The following CNTNAP2 variants were observed in gnomAD, a reference collection of about 807,000 sequenced individuals.
CNTNAP2 encodes the protein contactin associated protein 2.
Under a neutral mutation model 155.2 loss-of-function variants are expected in CNTNAP2, and 98 were observed. The observed-to-expected ratio is 0.63, with a 90% CI of 0.54 to 0.75. The LOEUF (loss-of-function observed/expected upper bound fraction) is 0.75. Among genes scored for constraint, CNTNAP2 ranks in the 30% least tolerant of loss-of-function variants. The pLI is 0.00. For synonymous variants in CNTNAP2, 651 were observed against 631.2 expected (o/e 1.03, Z -0.47); for missense variants, 1,727 against 1,688.1 (o/e 1.02, Z -0.40).
At chr7:148,236,597 T>C (rs921243248) in intron 20 of CNTNAP2, among the ~76,000 whole-genome samples, 2 of 152,186 alleles carry the variant, frequency 1.3e-5, no homozygotes, top group African/African-American at 4.8e-5. Flanking sequence ...CCAGGTTATG[T>C]GAGGTGACAG....
intron 12 of CNTNAP2, among the ~76,000 whole-genome samples, chr7:147,602,280 T>C (rs1563016905): frequency 1.3e-5 from 2 of 152,060 alleles, no homozygotes; most frequent in Non-Finnish European, 2.9e-5. Flanking sequence ...GATTTCAAAA[T>C]AAATTTGTTT....
At chr7:147,856,505 A>T (rs1264372899) in intron 13 of CNTNAP2, among the ~76,000 whole-genome samples, 1 of 152,210 alleles carries the variant, frequency 6.6e-6, no homozygotes, top group Non-Finnish European at 1.5e-5. Context: ...AGGCAGGGAA[A>T]GAGAGAAAAT....
At chr7:147,034,324 TTTCCTC>T in intron 3 of CNTNAP2, among the ~76,000 whole-genome samples, 1 of 152,350 alleles carries the variant, frequency 6.6e-6, no homozygotes, top group Middle Eastern at 3.4e-3. Flanking sequence ...AGTTTTCCCT[TTTCCTC>T]TTCACAGGGC....
intron 3 of CNTNAP2, among the ~76,000 whole-genome samples, chr7:147,010,758 G>A (rs1798608202): frequency 6.6e-6 from 1 of 152,122 alleles, no homozygotes; most frequent in Non-Finnish European, 1.5e-5. Context: ...ATGGAATCAG[G>A]AAATCAAAAT....
rs763705565 is a variant in CNTNAP2, at chr7:148,061,952, GAT to G, written c.2384-56162_2384-56161del. 2.1e-3 allele frequency among the ~76,000 whole-genome samples: 225 copies of G among 105,068 alleles called. 4 individuals carry two copies. Among genetic ancestry groups the G allele is most frequent in the Non-Finnish European group, 3.3e-3 (170 of 52,064 alleles). The allele number at this position is 105,068 out of a possible 152,430, so 68.9% of individuals were successfully genotyped here. A position where few individuals can be genotyped will look rare whatever the true frequency, so the allele number is the denominator to read the frequency against. ...AGATAGATAGATAGATAGATAAACA[GAT>G]ATAGATAGATAGATAGATAGATAGA... On this transcript the variant is annotated intron_variant, in intron 15 of 23. Transcript: ENST00000361727.
chr7:148,272,642 TA>T (rs200342493), intron 21 of CNTNAP2, among the ~76,000 whole-genome samples: 2 of 151,816 alleles, frequency 1.3e-5, no homozygotes, highest in South Asian at 2.1e-4. Flanking sequence ...AGCACTTAGA[TA>T]AAAAAAATAT....
rs540576390 is a variant in CNTNAP2 at position 147,017,975 on chromosome 7, G to GA, written c.403-25924dup. Among the ~76,000 whole-genome samples the GA allele has an allele frequency of 2.7e-3, 414 of 151,828 alleles. 6 individuals are homozygous for GA. Among genetic ancestry groups the GA allele is most frequent in the African/African-American group, 9.0e-3 (371 of 41,430 alleles). ...GCTGGAACCACTAACATCTCTATCA[G>GA]AAAAAAAATCTTTTGTAATTTATTA... On this transcript the variant is annotated intron_variant, in intron 3 of 23. Transcript: ENST00000361727.
At chr7:146,440,015 T>C (rs1796298283) in intron 1 of CNTNAP2, among the ~76,000 whole-genome samples, 1 of 151,440 alleles carries the variant, frequency 6.6e-6, no homozygotes, top group African/African-American at 2.5e-5. Context: ...TCTCAGCAAC[T>C]CTGGAAGCTG....
At chr7:147,573,975 C>T (rs925466852) in intron 12 of CNTNAP2, among the ~76,000 whole-genome samples, 5 of 152,078 alleles carry the variant, frequency 3.3e-5, no homozygotes, top group African/African-American at 9.7e-5. Context: ...TTCAAAACAA[C>T]GTGACTTGGA....
chr7:147,304,019 A>T (rs528750930), intron 9 of CNTNAP2, among the ~76,000 whole-genome samples: 1 of 152,242 alleles, frequency 6.6e-6, no homozygotes, highest in African/African-American at 2.4e-5. Flanking sequence ...AAACCCTTAA[A>T]TACGTCCACA....
chr7:148,116,568 A>G (rs2116605940), intron 15 of CNTNAP2, among the ~76,000 whole-genome samples: 1 of 152,344 alleles, frequency 6.6e-6, no homozygotes, highest in Admixed American at 6.5e-5. Flanking sequence ...AGATTTTAAT[A>G]TGCCTAAGTT....
At chr7:147,242,212 A>G (rs975850318) in intron 8 of CNTNAP2, among the ~76,000 whole-genome samples, 5 of 152,138 alleles carry the variant, frequency 3.3e-5, no homozygotes, top group African/African-American at 1.2e-4. Context: ...TTCTTTGTGA[A>G]AAAAGAATTC....
chr7:148,328,741 G>A (rs925958125), intron 21 of CNTNAP2, among the ~76,000 whole-genome samples: 10 of 150,566 alleles, frequency 6.6e-5, no homozygotes, highest in Non-Finnish European at 1.3e-4. Flanking sequence ...AGGCCGAGGC[G>A]GGTGGATCAC....
chr7:148,102,713 A>G (rs1804127470), intron 15 of CNTNAP2, among the ~76,000 whole-genome samples: 1 of 152,368 alleles, frequency 6.6e-6, no homozygotes, highest in African/African-American at 2.4e-5. Context: ...CTCTTCGTGC[A>G]GTGAAAATCT....
At chr7:146,243,180 A>G (rs115530930) in intron 1 of CNTNAP2, among the ~76,000 whole-genome samples, 4,248 of 152,222 alleles carry the variant, frequency 0.028, 196 homozygotes, top group African/African-American at 0.098. Flanking sequence ...CAGTTGTGCA[A>G]CGTGGCGATC....
intron 3 of CNTNAP2, among the ~76,000 whole-genome samples, chr7:146,981,634 ATG>A (rs1219504913): frequency 6.6e-6 from 1 of 152,162 alleles, no homozygotes; most frequent in Non-Finnish European, 1.5e-5. Context: ...TGGGTAAACA[ATG>A]TGTATTCTGG....
chr7:147,504,081 T>G (rs559282854), intron 11 of CNTNAP2, among the ~76,000 whole-genome samples: 2 of 152,300 alleles, frequency 1.3e-5, no homozygotes, highest in South Asian at 4.1e-4. Flanking sequence ...TTGTCCATAC[T>G]CCCTCCCTTC....
At chr7:146,978,380 C>A (rs1404448550) in intron 3 of CNTNAP2, among the ~76,000 whole-genome samples, 1 of 152,074 alleles carries the variant, frequency 6.6e-6, no homozygotes, top group Non-Finnish European at 1.5e-5. Flanking sequence ...GTATCACCAG[C>A]CAAAGGACTC....
intron 10 of CNTNAP2, among the ~76,000 whole-genome samples, chr7:147,445,371 A>G (rs372196656): frequency 4.6e-5 from 7 of 152,226 alleles, no homozygotes; most frequent in African/African-American, 1.7e-4. Flanking sequence ...AAGAGCCTTT[A>G]CAGGTAGGAT....
Sources: allele counts gnomAD v4.1 joint callset (sites outside exome capture counted in the v4.1 genomes callset), GRCh38; gene constraint gnomAD v4.1.1; transcripts MANE v1.5; gene names NCBI Gene and HGNC (gene_info 2026-07-23, HGNC 2026-07-21).